Variants in DAB1 observed in about 807,000 individuals in gnomAD.
The protein encoded by DAB1 is DAB adaptor protein 1.
In DAB1, 15 loss-of-function variants were observed where a neutral mutation model predicts 64.6. That is an observed-to-expected ratio of 0.23 (90% CI 0.16 to 0.36). DAB1 has a LOEUF of 0.36. Ranked by LOEUF, DAB1 falls within the 10% of genes least tolerant of loss-of-function variation. The pLI, the probability that DAB1 is intolerant of heterozygous loss-of-function variation, is 1.00. For missense variants in DAB1, 596 were observed against 706.7 expected, an observed-to-expected ratio of 0.84 and a Z score of 1.78; for synonymous variants, 235 against 251.9, an observed-to-expected ratio of 0.93 and a Z score of 0.64.
intron 3 of DAB1, among the ~76,000 whole-genome samples, chr1:58,447,074 C>T (rs921813535): frequency 3.9e-5 from 6 of 152,202 alleles, no homozygotes; most frequent in Admixed American, 6.5e-5. Context: ...TAGCTGAGAG[C>T]TGAGTGCTCA....
chr1:58,141,702 C>A (rs979180866), intron 5 of DAB1, among the ~76,000 whole-genome samples: 2 of 152,126 alleles, frequency 1.3e-5, no homozygotes, highest in Non-Finnish European at 2.9e-5. Context: ...GACAAATACC[C>A]AAACTACGTC....
intron 5 of DAB1, among the ~76,000 whole-genome samples, chr1:58,136,991 G>A (rs1292139466): frequency 2.0e-5 from 3 of 152,120 alleles, no homozygotes. Context: ...GAACTGATGT[G>A]GGTATGGAGA....
intron 3 of DAB1, among the ~76,000 whole-genome samples, chr1:58,358,976 A>ACACACACACACACACACACACACC (rs1644138540): frequency 6.9e-6 from 1 of 145,752 alleles, no homozygotes; most frequent in Non-Finnish European, 1.5e-5. Flanking sequence ...ACACACACAC[A>ACACACACACACACACACACACACC]CTCAAAGGAT....
At chr1:58,057,491 T>A (rs1204569943) in intron 5 of DAB1, among the ~76,000 whole-genome samples, 1 of 152,124 alleles carries the variant, frequency 6.6e-6, no homozygotes, top group South Asian at 2.1e-4. Context: ...ATCCAATAAC[T>A]GTTGTCTTTA....
chr1:58,375,968 G>A (rs867487158), intron 3 of DAB1, among the ~76,000 whole-genome samples: 19 of 148,230 alleles, frequency 1.3e-4, no homozygotes, highest in South Asian at 6.5e-4. Context: ...GTTTATTTGC[G>A]TAGAGGTGTT....
At chr1:58,333,207 A>T (rs1396260622) in intron 4 of DAB1, among the ~76,000 whole-genome samples, 1 of 152,166 alleles carries the variant, frequency 6.6e-6, no homozygotes, top group Admixed American at 6.6e-5. Context: ...CTAAAAACGT[A>T]AGGCAGGAGC....
intron 9 of DAB1, among the ~76,000 whole-genome samples, chr1:57,055,767 T>C (rs904412917): frequency 2.6e-5 from 4 of 151,286 alleles, no homozygotes; most frequent in Non-Finnish European, 4.4e-5. Context: ...CCTACAAAAA[T>C]TTATTCATGC....
intron 6 of DAB1, among the ~76,000 whole-genome samples, chr1:57,747,869 C>T (rs561322476): frequency 7.9e-6 from 1 of 125,814 alleles, no homozygotes; most frequent in South Asian, 2.6e-4. Context: ...CCAACTGGCA[C>T]TGAAATATCC....
Position 58,397,888 on chromosome 1 carries a change from A to C in DAB1, n.258-54485T>G, listed in dbSNP as rs559253856. On this transcript the variant is annotated intron_variant and non_coding_transcript_variant, in intron 3 of 20. Coordinates refer to the DAB1 transcript ENST00000485760. ...CTCACTGCATTGTTAAGGTAATTAA[A>C]TGAGTTACTATTTGCAAAGCACTTG... Among the ~76,000 whole-genome samples the C allele has an allele frequency of 2.0e-4, 31 of 152,302 alleles. 1 individual carries two copies. The South Asian group carries it at 6.2e-3, about 31-fold the overall frequency.
chr1:57,015,442 G>A lies in DAB1; in HGVS notation c.896-11C>T. On this transcript the variant is annotated splice_polypyrimidine_tract_variant and intron_variant, in intron 11 of 14. Transcript: ENST00000371236. Reference sequence around the variant, plus strand: ...CCATTGCAACGTAACCTGGGAGAATGAAAAAGGAGAGTCAGGTGTTTCCCT... The same window carrying A: ...CCATTGCAACGTAACCTGGGAGAATAAAAAAGGAGAGTCAGGTGTTTCCCT... 1 of 1,587,714 alleles carries A rather than the reference G, an allele frequency of 6.3e-7. No individual in the cohort carries two copies.
chr1:58,446,830 C>T (rs1645072892), intron 3 of DAB1, among the ~76,000 whole-genome samples: 1 of 152,224 alleles, frequency 6.6e-6, no homozygotes, highest in Non-Finnish European at 1.5e-5. Flanking sequence ...TCTCCAAACT[C>T]TCATACTTTC....
intron 4 of DAB1, among the ~76,000 whole-genome samples, chr1:58,261,577 C>T (rs981655174): frequency 6.6e-6 from 1 of 152,014 alleles, no homozygotes; most frequent in Non-Finnish European, 1.5e-5. Context: ...ACTTTAATTC[C>T]CCCGAGAAGG....
At chr1:58,382,000 C>T (rs1009110914) in intron 3 of DAB1, among the ~76,000 whole-genome samples, 17 of 152,074 alleles carry the variant, frequency 1.1e-4, no homozygotes, top group Admixed American at 7.9e-4. Flanking sequence ...TAGATAGATA[C>T]TAAAGAAAGG....
At chr1:57,735,268 T>C (rs1288483060) in intron 6 of DAB1, among the ~76,000 whole-genome samples, 8 of 152,228 alleles carry the variant, frequency 5.3e-5, no homozygotes, top group Non-Finnish European at 1.0e-4. Context: ...ACTGATTTGC[T>C]ATGTGACCTA....
At chr1:57,980,872 ACTCT>A (rs137956928) in intron 5 of DAB1, among the ~76,000 whole-genome samples, 4 of 148,794 alleles carry the variant, frequency 2.7e-5, no homozygotes, top group East Asian at 3.9e-4. Flanking sequence ...GTAAAAAGTA[ACTCT>A]CTCTCTCTCT....
At chr1:58,391,515 C>T (rs1046703304) in intron 3 of DAB1, among the ~76,000 whole-genome samples, 6 of 152,200 alleles carry the variant, frequency 3.9e-5, no homozygotes, top group African/African-American at 7.2e-5. Flanking sequence ...GACTTGAATT[C>T]GGGCCTCCTT....
chr1:58,359,021 G>C lies in DAB1; in HGVS notation n.258-15618C>G, dbSNP rs74707455. Reference sequence around the variant, plus strand: ...TAGGTTAGGTCTGAAGAGAGAAAGTGAGCTTGAGATCTATAATTTAGCAAA... The same window carrying C: ...TAGGTTAGGTCTGAAGAGAGAAAGTCAGCTTGAGATCTATAATTTAGCAAA... On this transcript the variant is annotated intron_variant and non_coding_transcript_variant, in intron 3 of 20. Coordinates refer to the DAB1 transcript ENST00000485760. 5.3e-3 allele frequency among the ~76,000 whole-genome samples: 795 copies of C among 150,828 alleles called. 7 individuals carry two copies. The highest frequency in any genetic ancestry group is 0.018 in the African/African-American group (738 of 41,066).
At chr1:57,929,951 C>A (rs1287536817) in intron 5 of DAB1, among the ~76,000 whole-genome samples, 1 of 152,178 alleles carries the variant, frequency 6.6e-6, no homozygotes, top group Non-Finnish European at 1.5e-5. Context: ...ATATTCCACA[C>A]TGGGGACTAA....
intron 6 of DAB1, among the ~76,000 whole-genome samples, chr1:57,676,190 G>A (rs1022302263): frequency 1.3e-5 from 2 of 152,204 alleles, no homozygotes; most frequent in African/African-American, 2.4e-5. Flanking sequence ...GATGAAGGAC[G>A]AGCAGAGCTG....
Sources: allele counts gnomAD v4.1 joint callset (sites outside exome capture counted in the v4.1 genomes callset), GRCh38; gene constraint gnomAD v4.1.1; transcripts MANE v1.5; gene names NCBI Gene and HGNC (gene_info 2026-07-23, HGNC 2026-07-21).